Variants in PPM1E observed in about 807,000 individuals in gnomAD.
PPM1E encodes protein phosphatase 1E.
PPM1E carries 20 observed loss-of-function variants against 65.9 expected under a neutral mutation model. The ratio of observed to expected loss-of-function variants is 0.30; its 90% CI spans 0.21 to 0.44. The LOEUF (loss-of-function observed/expected upper bound fraction) is 0.44, where lower values mean the gene tolerates loss of function less well. Among genes scored for constraint, PPM1E ranks in the 20% least tolerant of loss-of-function variants. The pLI, the probability that PPM1E is intolerant of heterozygous loss-of-function variation, is 1.00. For synonymous variants in PPM1E, 352 were observed against 374.9 expected (o/e 0.94, Z 0.70); for missense variants, 713 against 953.1 (o/e 0.75, Z 3.32).
intron 1 of PPM1E, among the ~76,000 whole-genome samples, chr17:58,903,071 C>T (rs1325294510): frequency 6.6e-6 from 1 of 152,082 alleles, no homozygotes; most frequent in East Asian, 1.9e-4. Flanking sequence ...ACCTAAGAAT[C>T]TTTTAGGAAA....
chr17:58,825,964 A>AT (rs932453591), intron 1 of PPM1E, among the ~76,000 whole-genome samples: 25 of 150,930 alleles, frequency 1.7e-4, no homozygotes, highest in Admixed American at 2.6e-4. Flanking sequence ...GGTTCCTGAC[A>AT]TTTTTTTTTA....
chr17:58,929,847 T>C (rs1440351122), intron 1 of PPM1E, among the ~76,000 whole-genome samples: 1 of 152,136 alleles, frequency 6.6e-6, no homozygotes, highest in Non-Finnish European at 1.5e-5. Context: ...TACAACTGGG[T>C]TTCTTTATGT....
At chr17:58,879,015 A>T (rs1269221579) in intron 1 of PPM1E, among the ~76,000 whole-genome samples, 1 of 151,930 alleles carries the variant, frequency 6.6e-6, no homozygotes, top group Non-Finnish European at 1.5e-5. Context: ...TCCTTTTGTC[A>T]TTCAGGACTT....
chr17:58,770,053 C>G (rs1329433946), intron 1 of PPM1E, among the ~76,000 whole-genome samples: 1 of 151,614 alleles, frequency 6.6e-6, no homozygotes, highest in Admixed American at 6.6e-5. Flanking sequence ...CAAGAAAAAA[C>G]CAGTGGATTA....
chr17:58,854,500 A>G (rs2050861180), intron 1 of PPM1E, among the ~76,000 whole-genome samples: 1 of 152,192 alleles, frequency 6.6e-6, no homozygotes, highest in Non-Finnish European at 1.5e-5. Context: ...TCTTAGAGGA[A>G]AAGCTTTTCG....
intron 1 of PPM1E, among the ~76,000 whole-genome samples, chr17:58,790,120 G>A (rs1447537136): frequency 6.6e-6 from 1 of 152,184 alleles, no homozygotes; most frequent in Admixed American, 6.5e-5. Context: ...GTTCCTTAGC[G>A]TGATCATAGT....
At chr17:58,779,898 CT>C (rs547491335) in intron 1 of PPM1E, among the ~76,000 whole-genome samples, 306 of 152,178 alleles carry the variant, frequency 2.0e-3, no homozygotes, top group Non-Finnish European at 3.5e-3. Flanking sequence ...TCATGGCTGT[CT>C]TTTCAGATCA....
chr17:58,896,997 T>G (rs538193715), intron 1 of PPM1E, among the ~76,000 whole-genome samples: 3 of 152,268 alleles, frequency 2.0e-5, no homozygotes, highest in African/African-American at 7.2e-5. Flanking sequence ...AAATCTACTC[T>G]GCTTGTGCTC....
Position 58,756,096 on chromosome 17 carries a change from GGAACCCGAACCCGAACCC to G in PPM1E, c.114_131del (p.Pro39_Glu44del), listed in dbSNP as rs201186780. ...CGTGCGGCGGCGGCGAGCCGGAGCC[GGAACCCGAACCCGAACCC>G]GAACCCGAACCCGAGTCCGAGCCCG... On this transcript the variant is annotated inframe_deletion, in exon 1 of 7. Transcript: ENST00000308249. 2.8e-5 allele frequency: 45 copies of G among 1,597,596 alleles called. No homozygotes were observed. Among genetic ancestry groups the G allele is most frequent in the Non-Finnish European group, 3.6e-5 (42 of 1,172,074 alleles).
At chr17:58,971,374 T>A (rs1438301373) in intron 4 of PPM1E, among the ~76,000 whole-genome samples, 2 of 152,122 alleles carry the variant, frequency 1.3e-5, no homozygotes, top group African/African-American at 2.4e-5. Context: ...TTAGGCCAGG[T>A]CCTTAGTAAC....
At chr17:58,829,697 T>C (rs57502769) in intron 1 of PPM1E, among the ~76,000 whole-genome samples, 1 of 152,334 alleles carries the variant, frequency 6.6e-6, no homozygotes, top group African/African-American at 2.4e-5. Context: ...TTTCTCATTT[T>C]GCTGGTGGAC....
intron 1 of PPM1E, among the ~76,000 whole-genome samples, chr17:58,791,312 A>G (rs2050156030): frequency 1.3e-5 from 2 of 152,216 alleles, no homozygotes; most frequent in African/African-American, 4.8e-5. Flanking sequence ...AAATGCTATA[A>G]TGGACATGAA....
rs1567838939 is a variant in PPM1E, at chr17:58,805,988, AACAAAAC to A, written c.464+49529_464+49535del. ...AAAAAAAAAAACAAAAAAAAAACAA[AACAAAAC>A]AAAACAAAAAAAAAACTATATGTAG... On this transcript the variant is annotated intron_variant, in intron 1 of 6. Transcript: ENST00000308249. 1.9e-3 allele frequency among the ~76,000 whole-genome samples: 205 copies of A among 109,870 alleles called. 9 individuals carry two copies. Among genetic ancestry groups the A allele is most frequent in the African/African-American group, 4.7e-3 (104 of 22,192 alleles). 72.1% of individuals were successfully genotyped at this position (109,870 alleles called of 152,430 possible). A position where few individuals can be genotyped will look rare whatever the true frequency, so the allele number is the denominator to read the frequency against.
chr17:58,821,866 C>T (rs971819725), intron 1 of PPM1E, among the ~76,000 whole-genome samples: 1 of 152,158 alleles, frequency 6.6e-6, no homozygotes, highest in African/African-American at 2.4e-5. Context: ...ATTTCTCCCC[C>T]ATCTTGTCTA....
chr17:58,836,717 C>A (rs927437340), intron 1 of PPM1E, among the ~76,000 whole-genome samples: 13 of 150,376 alleles, frequency 8.6e-5, no homozygotes, highest in Admixed American at 2.0e-4. Flanking sequence ...CCTGCCTCGG[C>A]CTCCTAAAGT....
chr17:58,821,204 G>A (rs1350944991), intron 1 of PPM1E, among the ~76,000 whole-genome samples: 3 of 151,978 alleles, frequency 2.0e-5, no homozygotes, highest in Admixed American at 6.6e-5. Context: ...TCTGCCTCCC[G>A]GGTTCACGCC....
At chr17:58,929,916 C>T (rs2051870278) in intron 1 of PPM1E, among the ~76,000 whole-genome samples, 1 of 152,060 alleles carries the variant, frequency 6.6e-6, no homozygotes, top group South Asian at 2.1e-4. Flanking sequence ...ATTCTCAACT[C>T]ATCATTTAAA....
At chr17:58,885,126 G>A (rs938908720) in intron 1 of PPM1E, among the ~76,000 whole-genome samples, 5 of 151,928 alleles carry the variant, frequency 3.3e-5, no homozygotes, top group Admixed American at 6.6e-5. Context: ...GCGTGATCTC[G>A]GCTCACTGCA....
rs1387495482 is a variant in PPM1E at position 58,972,820 on chromosome 17, A to T, written c.1117-12A>T. 1 of 1,606,520 alleles carries T rather than the reference A, an allele frequency of 6.2e-7. No individual in the cohort carries two copies. The highest frequency in any genetic ancestry group is 2.2e-5 in the East Asian group (1 of 44,798). Reference sequence around the variant, plus strand: ...CCAGTTATTTGCTTCTTTTTATTGCATTGCTGTTTAGGATGAAAAGCAGAG... The same window carrying T: ...CCAGTTATTTGCTTCTTTTTATTGCTTTGCTGTTTAGGATGAAAAGCAGAG... On this transcript the variant is annotated splice_polypyrimidine_tract_variant and intron_variant, in intron 5 of 6. Coordinates refer to ENST00000308249, the MANE Select transcript of PPM1E (RefSeq NM_014906.5).
Sources: gnomAD v4.1 joint callset for allele counts (sites outside exome capture counted in the v4.1 genomes callset) on GRCh38, gnomAD v4.1.1 for gene constraint, MANE v1.5 for transcripts, NCBI Gene and HGNC (gene_info 2026-07-23, HGNC 2026-07-21) for gene names.